The following ALK variants were observed in gnomAD, a reference collection of about 807,000 sequenced individuals.
ALK encodes ALK tyrosine kinase receptor.
A neutral mutation model predicts 163.1 loss-of-function variants in ALK; 74 were observed. The ratio of observed to expected loss-of-function variants is 0.45; its 90% CI spans 0.38 to 0.55. ALK has a LOEUF of 0.55. Among genes scored for constraint, ALK ranks in the 20% least tolerant of loss-of-function variants. The pLI, the probability that ALK is intolerant of heterozygous loss-of-function variation, is 0.00. For synonymous variants in ALK, 960 were observed against 843.2 expected, an observed-to-expected ratio of 1.14 and a Z score of -2.40; for missense variants, 2,063 against 2,105.3, an observed-to-expected ratio of 0.98 and a Z score of 0.39.
rs1250021430 is a variant in ALK, at chr2:29,489,592, G to C, written c.1154+42323C>G. The stretch of plus-strand genomic sequence containing the variant: ...TGGGATTACAGGTATGAACCACTGT[G>C]CCTGGCCCTCCAAAGATGTTATATT... On this transcript the variant is annotated intron_variant, in intron 4 of 28. Coordinates refer to ENST00000389048, the MANE Select transcript of ALK (RefSeq NM_004304.5). Among the ~76,000 whole-genome samples the C allele has an allele frequency of 6.6e-5, 10 of 152,206 alleles. No individual in the cohort carries two copies. The East Asian group carries it at 1.9e-3, about 29-fold the overall frequency.
chr2:29,702,110 A>G (rs1026266389), intron 2 of ALK, among the ~76,000 whole-genome samples: 1 of 152,070 alleles, frequency 6.6e-6, no homozygotes, highest in Non-Finnish European at 1.5e-5. Context: ...TGCCAACCTT[A>G]CTGTGGTGCA....
intron 1 of ALK, among the ~76,000 whole-genome samples, chr2:29,763,444 G>A (rs1680769895): frequency 1.3e-5 from 2 of 152,134 alleles, no homozygotes. Flanking sequence ...ATTTAGAACT[G>A]TAAGAATAAG....
chr2:29,695,756 A>G (rs1029948001), intron 2 of ALK, among the ~76,000 whole-genome samples: 1 of 152,204 alleles, frequency 6.6e-6, no homozygotes, highest in African/African-American at 2.4e-5. Flanking sequence ...CAACAAACAT[A>G]TGAAAAAAAG....
At chr2:29,669,891 A>T (rs1344893500) in intron 3 of ALK, among the ~76,000 whole-genome samples, 1 of 152,074 alleles carries the variant, frequency 6.6e-6, no homozygotes, top group East Asian at 1.9e-4. Context: ...ACTAAAAAAA[A>T]AATTCTATAC....
At chr2:29,473,000 T>C (rs1286045046) in intron 4 of ALK, among the ~76,000 whole-genome samples, 3 of 152,368 alleles carry the variant, frequency 2.0e-5, no homozygotes, top group African/African-American at 7.2e-5. Flanking sequence ...TTGTACTGTG[T>C]GACAATTTAT....
intron 1 of ALK, among the ~76,000 whole-genome samples, chr2:29,856,070 G>A (rs1431419415): frequency 2.0e-5 from 3 of 152,176 alleles, no homozygotes; most frequent in Non-Finnish European, 4.4e-5. Flanking sequence ...TAAGAAAGAT[G>A]TGAGGTGACT....
intron 3 of ALK, among the ~76,000 whole-genome samples, chr2:29,605,325 G>A (rs760730133): frequency 9.2e-5 from 14 of 152,314 alleles, no homozygotes; most frequent in South Asian, 4.1e-4. Flanking sequence ...CTGCTGCTGC[G>A]GCCCGATTCC....
intron 1 of ALK, among the ~76,000 whole-genome samples, chr2:29,882,703 A>C (rs1359576787): frequency 6.6e-6 from 1 of 152,188 alleles, no homozygotes; most frequent in Non-Finnish European, 1.5e-5. Context: ...ACAACGAACT[A>C]GATAATACCA....
intron 1 of ALK, among the ~76,000 whole-genome samples, chr2:29,813,099 C>G (rs1664798289): frequency 6.6e-6 from 1 of 152,152 alleles, no homozygotes. Flanking sequence ...GACATTATTT[C>G]TAGATGAAGA....
intron 1 of ALK, among the ~76,000 whole-genome samples, chr2:29,745,495 G>A (rs1441448028): frequency 6.6e-6 from 1 of 152,142 alleles, no homozygotes; most frequent in Non-Finnish European, 1.5e-5. Flanking sequence ...TCTACTTCTT[G>A]TACAGATGAG....
intron 1 of ALK, among the ~76,000 whole-genome samples, chr2:29,887,601 C>T (rs1306052631): frequency 1.3e-5 from 2 of 152,184 alleles, no homozygotes; most frequent in Non-Finnish European, 2.9e-5. Flanking sequence ...AAACTGCCAT[C>T]CTGGGAATCT....
chr2:29,476,154 C>T (rs891839480), intron 4 of ALK, among the ~76,000 whole-genome samples: 1 of 152,178 alleles, frequency 6.6e-6, no homozygotes, highest in Non-Finnish European at 1.5e-5. Flanking sequence ...ACACAAGCTG[C>T]GGCTCAGACC....
At chr2:29,289,193 C>T (rs954133652) in intron 9 of ALK, among the ~76,000 whole-genome samples, 13 of 152,094 alleles carry the variant, frequency 8.5e-5, no homozygotes, top group East Asian at 5.8e-4. Flanking sequence ...CTCCTGTCCT[C>T]GATCATTATG....
At chr2:29,642,934 C>T (rs1215432182) in intron 3 of ALK, among the ~76,000 whole-genome samples, 1 of 152,134 alleles carries the variant, frequency 6.6e-6, no homozygotes, top group Non-Finnish European at 1.5e-5. Flanking sequence ...TTTGGTACCC[C>T]AAGTATCATA....
intron 8 of ALK, among the ~76,000 whole-genome samples, chr2:29,308,704 C>G (rs929175156): frequency 1.3e-5 from 2 of 152,176 alleles, no homozygotes; most frequent in African/African-American, 4.8e-5. Context: ...CAACAGTACC[C>G]TGCTTAGATA....
chr2:29,759,538 C>A (rs538539221), intron 1 of ALK, among the ~76,000 whole-genome samples: 1 of 152,256 alleles, frequency 6.6e-6, no homozygotes, highest in East Asian at 1.9e-4. Context: ...GGAATCTTTC[C>A]CTTGACATGC....
At chr2:29,809,224 A>G (rs1664693100) in intron 1 of ALK, among the ~76,000 whole-genome samples, 2 of 152,240 alleles carry the variant, frequency 1.3e-5, no homozygotes, top group South Asian at 2.1e-4. Context: ...AAAATAATGA[A>G]TATTATGTGT....
In ALK at chr2:29,268,484, C is replaced by T. The variant is rs71444416; in HGVS notation, c.2041+6615G>A. 4.6e-3 allele frequency among the ~76,000 whole-genome samples: 696 copies of T among 152,270 alleles called. 3 individuals are homozygous for T. Among genetic ancestry groups the T allele is most frequent in the Non-Finnish European group, 7.3e-3 (497 of 68,014 alleles). Reference sequence around the variant, plus strand: ...TGGGTAATCATTTTTCAAGAGAACACTTTGGCTCGTTCACAGCCTCAGAGC... The same window carrying T: ...TGGGTAATCATTTTTCAAGAGAACATTTTGGCTCGTTCACAGCCTCAGAGC... On this transcript the variant is annotated intron_variant, in intron 11 of 28. Transcript: ENST00000389048.
At chr2:29,296,719 C>CAG (rs1172038938) in intron 9 of ALK, among the ~76,000 whole-genome samples, 169 bp downstream of exon 9, 3 of 146,126 alleles carry the variant, frequency 2.1e-5, no homozygotes, top group Non-Finnish European at 4.5e-5. Flanking sequence ...GTGTAACCTG[C>CAG]AGAGTGTGTG....
Sources: gnomAD v4.1 joint callset for allele counts (sites outside exome capture counted in the v4.1 genomes callset) on GRCh38, gnomAD v4.1.1 for gene constraint, MANE v1.5 for transcripts, NCBI Gene and HGNC (gene_info 2026-07-23, HGNC 2026-07-21) for gene names.